IARS1: variants seen among roughly 807,000 people sequenced by gnomAD.
The protein encoded by IARS1 is isoleucine--tRNA ligase, cytoplasmic.
IARS1 carries 124 observed loss-of-function variants against 168.2 expected under a neutral mutation model. The observed-to-expected ratio is 0.74, with a 90% CI of 0.64 to 0.86. The LOEUF is 0.86. Ranked by LOEUF, IARS1 falls within the 40% of genes least tolerant of loss-of-function variation. The pLI is 0.00. For synonymous variants in IARS1, 532 were observed against 529.4 expected, an observed-to-expected ratio of 1.00 and a Z score of -0.07; for missense variants, 1,452 against 1,515.8, an observed-to-expected ratio of 0.96 and a Z score of 0.70.
At chr9:92,270,934 TA>T in intron 12 of IARS1, 50 bp downstream of exon 12, 1 of 1,269,338 alleles carries the variant, frequency 7.9e-7, no homozygotes, top group Non-Finnish European at 1.1e-6. Context: ...ATAGTAAGTG[TA>T]AGCACAGACT....
At chr9:92,229,176 G>T in intron 30 of IARS1, 50 bp from the exon 31 acceptor site, 1 of 1,587,594 alleles carries the variant, frequency 6.3e-7, no homozygotes, top group Non-Finnish European at 8.6e-7. Context: ...AAACTAAAAA[G>T]AAAATGTTAC....
At chr9:92,264,254 G>A (rs1831952858) in intron 16 of IARS1, among the ~76,000 whole-genome samples, 1 of 150,776 alleles carries the variant, frequency 6.6e-6, no homozygotes, top group South Asian at 2.1e-4. Context: ...AGAATTGCTT[G>A]AACCCAGGAG....
chr9:92,213,225 T>C (rs567441555), intron 33 of IARS1, among the ~76,000 whole-genome samples: 13 of 152,054 alleles, frequency 8.5e-5, no homozygotes, highest in African/African-American at 3.1e-4. Flanking sequence ...CTTTTGGCAC[T>C]AAAGAGCTAG....
intron 16 of IARS1, among the ~76,000 whole-genome samples, chr9:92,264,234 G>A (rs553393447): frequency 1.1e-3 from 166 of 151,654 alleles, no homozygotes; most frequent in Admixed American, 2.0e-3. Context: ...ACTTAGGAGG[G>A]TGAGGCAGAA....
At chr9:92,273,663 A>G (rs758992516) in intron 10 of IARS1, among the ~76,000 whole-genome samples, 1 of 152,248 alleles carries the variant, frequency 6.6e-6, no homozygotes, top group African/African-American at 2.4e-5. Context: ...TATCAATGTA[A>G]AAAAATTGCA....
chr9:92,229,331 T>C (rs1290321381), intron 30 of IARS1, among the ~76,000 whole-genome samples: 5 of 149,290 alleles, frequency 3.3e-5, no homozygotes, highest in Admixed American at 1.3e-4. Context: ...TATATATACA[T>C]ATATAGTGTA....
At chr9:92,248,959 A>G (rs1349075624) in intron 25 of IARS1, among the ~76,000 whole-genome samples, 1 of 152,234 alleles carries the variant, frequency 6.6e-6, no homozygotes, top group East Asian at 1.9e-4. Flanking sequence ...AAAAATGTTT[A>G]GGAAGACAAC....
At chr9:92,236,135 C>A (rs1238213909) in intron 30 of IARS1, among the ~76,000 whole-genome samples, 1 of 152,056 alleles carries the variant, frequency 6.6e-6, no homozygotes, top group Non-Finnish European at 1.5e-5. Flanking sequence ...AGGCGCCCGC[C>A]ACCAGGCTTG....
intron 14 of IARS1, among the ~76,000 whole-genome samples, chr9:92,267,667 G>C (rs918498374): frequency 2.6e-5 from 4 of 152,180 alleles, no homozygotes; most frequent in African/African-American, 9.7e-5. Context: ...CCTAAAGTCA[G>C]TTATCAAGAA....
chr9:92,253,467 A>C lies in IARS1; in HGVS notation c.2138-14T>G, dbSNP rs2273861. 3,561 of 1,587,550 alleles carry C rather than the reference A, an allele frequency of 2.2e-3. 60 individuals carry two copies. In the East Asian group the frequency reaches 0.035, roughly 16 times the overall value. ...AAAGCCTATAAGCTAAAAGTAAGAC[A>C]AGTCAATCAGGCAGCAAGTGGGTTA... On this transcript the variant is annotated splice_polypyrimidine_tract_variant and intron_variant, in intron 20 of 33. Transcript: ENST00000443024.
chr9:92,210,733 G>A lies in IARS1; in HGVS notation c.*74C>T, dbSNP rs988476436. On this transcript the variant is annotated 3_prime_UTR_variant, in exon 34 of 34. Coordinates refer to ENST00000443024, the MANE Select transcript of IARS1 (RefSeq NM_002161.6). ...ATATCTTCAGTGTGTTCATGTGTGT[G>A]TCTATGTGCATGTATGTGTAGGGGA... The A allele has an allele frequency of 1.2e-6, 1 of 843,818 alleles. No individual in the cohort carries two copies. The highest frequency in any genetic ancestry group is 2.4e-5 in the East Asian group (1 of 41,028). 52.3% of individuals were successfully genotyped at this position (843,818 alleles called of 1,614,324 possible). A position where few individuals can be genotyped will look rare whatever the true frequency, so the allele number is the denominator to read the frequency against.
At chr9:92,231,074 C>G (rs186939845) in intron 30 of IARS1, among the ~76,000 whole-genome samples, 211 of 152,282 alleles carry the variant, frequency 1.4e-3, no homozygotes, top group African/African-American at 4.6e-3. Flanking sequence ...AAAGCAAAAC[C>G]TAAATTTTCA....
chr9:92,245,256 A>T (rs1008979764), intron 26 of IARS1, among the ~76,000 whole-genome samples, 185 bp from the exon 27 acceptor site: 1 of 152,212 alleles, frequency 6.6e-6, no homozygotes, highest in Non-Finnish European at 1.5e-5. Context: ...TCTTTAGATT[A>T]CACTATGCTA....
chr9:92,220,741 G>A (rs1839546238), intron 33 of IARS1, among the ~76,000 whole-genome samples: 1 of 152,222 alleles, frequency 6.6e-6, no homozygotes, highest in African/African-American at 2.4e-5. Flanking sequence ...CAAGGTGGGA[G>A]GATCACTTGA....
At chr9:92,275,004 ACAGGTACTC>A (rs1185772939) in intron 9 of IARS1, among the ~76,000 whole-genome samples, 1 of 152,248 alleles carries the variant, frequency 6.6e-6, no homozygotes, top group East Asian at 1.9e-4. Context: ...AGTTCTACTT[ACAGGTACTC>A]CACCACCTTA....
intron 32 of IARS1, 104 bp from the exon 33 acceptor site, chr9:92,222,776 C>T: frequency 8.8e-7 from 1 of 1,134,736 alleles, no homozygotes. Context: ...CTGAGGCCAG[C>T]AGTGCGTCCA....
intron 12 of IARS1, 36 bp from the exon 13 acceptor site, chr9:92,270,019 C>T (rs760103299): frequency 3.0e-6 from 4 of 1,350,898 alleles, no homozygotes; most frequent in Non-Finnish European, 4.3e-6. Context: ...GCTGCTCAGG[C>T]TGAGACTAGT....
chr9:92,212,466 T>C (rs183927970), intron 33 of IARS1, among the ~76,000 whole-genome samples: 19 of 152,342 alleles, frequency 1.2e-4, no homozygotes, highest in Middle Eastern at 3.4e-3. Context: ...AGGTTAAGAA[T>C]GGTTCTGTGA....
intron 28 of IARS1, 80 bp downstream of exon 28, chr9:92,243,136 C>T: frequency 2.1e-6 from 2 of 931,574 alleles, no homozygotes; most frequent in Non-Finnish European, 1.7e-6. Flanking sequence ...GTTTATATTA[C>T]CTGCCTCTCC....
Sources: allele counts gnomAD v4.1 joint callset (sites outside exome capture counted in the v4.1 genomes callset), GRCh38; gene constraint gnomAD v4.1.1; transcripts MANE v1.5; gene names NCBI Gene and HGNC (gene_info 2026-07-23, HGNC 2026-07-21).